Variants in IGFBP7 observed in about 807,000 individuals in gnomAD.
IGFBP7 encodes the protein insulin-like growth factor-binding protein 7.
In IGFBP7, 31 loss-of-function variants were observed where a neutral mutation model predicts 29.4. The ratio of observed to expected loss-of-function variants is 1.05; its 90% CI spans 0.79 to 1.42. The LOEUF (loss-of-function observed/expected upper bound fraction) is 1.42, where lower values mean the gene tolerates loss of function less well. Ranked by LOEUF, IGFBP7 falls within the 40% of genes most tolerant of loss-of-function variation. The pLI is 0.00. For synonymous variants in IGFBP7, 172 were observed against 174.9 expected (o/e 0.98, Z 0.13); for missense variants, 393 against 395.5 (o/e 0.99, Z 0.05).
chr4:57,072,914 G>T, intron 1 of IGFBP7: 1 of 722,518 alleles, frequency 1.4e-6, no homozygotes. Flanking sequence ...CCCCAACATG[G>T]ACACCCAGGG....
intron 1 of IGFBP7, among the ~76,000 whole-genome samples, chr4:57,087,435 A>G (rs931635825): frequency 9.9e-5 from 15 of 152,226 alleles, no homozygotes; most frequent in African/African-American, 3.1e-4. Flanking sequence ...ATTTTAAAAT[A>G]CTTTATATTT....
chr4:57,083,881 T>C (rs1725432881), intron 1 of IGFBP7, among the ~76,000 whole-genome samples: 2 of 152,372 alleles, frequency 1.3e-5, no homozygotes, highest in Admixed American at 1.3e-4. Flanking sequence ...AATAGTTTTT[T>C]ATTAAGAATT....
chr4:57,084,740 T>C (rs1381490458), intron 1 of IGFBP7, among the ~76,000 whole-genome samples: 1 of 151,942 alleles, frequency 6.6e-6, no homozygotes, highest in Non-Finnish European at 1.5e-5. Context: ...TAATGTAATC[T>C]TTTCCCTTAT....
In IGFBP7 at chr4:57,110,153, C is replaced by G. The variant is rs779928456; in HGVS notation, c.199G>C (p.Glu67Gln). Reference protein sequence around the residue: ...CGCCPMCARGEGEPCGGGGAG... With the variant: ...CGCCPMCARGQGEPCGGGGAG... Reference sequence around the variant, plus strand: ...CCGCCACCCCCGCACGGCTCGCCCTCGCCGCGGGCGCACATAGGGCAGCAG... The same window carrying G: ...CCGCCACCCCCGCACGGCTCGCCCTGGCCGCGGGCGCACATAGGGCAGCAG... The change falls in exon 1 of 5, where the codon GAG becomes CAG. Residue 67 changes from glutamate (E) to glutamine (Q), a missense_variant. Physicochemically the swap from Glu to Gln is conservative, Grantham distance 29 (BLOSUM62 2). Coordinates refer to ENST00000295666, the MANE Select transcript of IGFBP7 (RefSeq NM_001553.3). The G allele has an allele frequency of 2.7e-6, 4 of 1,466,810 alleles. No individual in the cohort carries two copies. The African/African-American group carries it at 4.4e-5, about 16-fold the overall frequency. The allele number at this position is 1,466,810 out of a possible 1,614,324, so 90.9% of individuals were successfully genotyped here.
At chr4:57,040,975 TC>T (rs750445641) in intron 1 of IGFBP7, 42 bp from the exon 2 acceptor site, 9 of 1,244,998 alleles carry the variant, frequency 7.2e-6, no homozygotes, top group African/African-American at 5.9e-5. Flanking sequence ...TTTTAAACAG[TC>T]CTTCACATGA....
Position 57,105,429 on chromosome 4 carries a change from A to G in IGFBP7, c.475+4448T>C, listed in dbSNP as rs563836524. 2.0e-5 allele frequency among the ~76,000 whole-genome samples: 3 copies of G among 152,318 alleles called. No individual in the cohort carries two copies. In the East Asian group the frequency reaches 5.8e-4, roughly 29 times the overall value. ...CATACTACATACCATGCACTTATCT[A>G]GGTCCTTGGGTCTGTCTATATGAGG... On this transcript the variant is annotated intron_variant, in intron 1 of 4. Transcript: ENST00000295666.
chr4:57,084,304 C>T (rs1360441287), intron 1 of IGFBP7, among the ~76,000 whole-genome samples: 1 of 151,982 alleles, frequency 6.6e-6, no homozygotes, highest in Non-Finnish European at 1.5e-5. Flanking sequence ...GGAGCATATG[C>T]TGGATTAACA....
At chr4:57,093,811 A>G (rs755651134) in intron 1 of IGFBP7, among the ~76,000 whole-genome samples, 4 of 152,192 alleles carry the variant, frequency 2.6e-5, no homozygotes, top group Non-Finnish European at 5.9e-5. Context: ...ACTTTGGGCA[A>G]AGTAATAACT....
chr4:57,075,254 C>G (rs1198471257), intron 1 of IGFBP7, among the ~76,000 whole-genome samples: 1 of 152,082 alleles, frequency 6.6e-6, no homozygotes, highest in Non-Finnish European at 1.5e-5. Flanking sequence ...AACCTCCTGC[C>G]CACTAAAGGA....
At chr4:57,074,612 T>C (rs563380839) in intron 1 of IGFBP7, among the ~76,000 whole-genome samples, 6 of 152,306 alleles carry the variant, frequency 3.9e-5, no homozygotes, top group African/African-American at 1.4e-4. Context: ...CCTCTACCTC[T>C]TAAAGTTGGA....
At chr4:57,050,356 T>G (rs1414931371) in intron 1 of IGFBP7, among the ~76,000 whole-genome samples, 1 of 151,776 alleles carries the variant, frequency 6.6e-6, no homozygotes, top group Non-Finnish European at 1.5e-5. Context: ...GCGATTCTCC[T>G]GCCTCATCCT....
intron 1 of IGFBP7, among the ~76,000 whole-genome samples, chr4:57,088,546 G>A (rs1299013810): frequency 1.3e-5 from 2 of 152,026 alleles, no homozygotes; most frequent in African/African-American, 4.8e-5. Flanking sequence ...AAGTACCATA[G>A]TATGACATTT....
At chr4:57,077,973 A>G (rs1479312777) in intron 1 of IGFBP7, among the ~76,000 whole-genome samples, 1 of 152,096 alleles carries the variant, frequency 6.6e-6, no homozygotes, top group Non-Finnish European at 1.5e-5. Context: ...ATTTCAAAAC[A>G]ATTATTTTAA....
intron 1 of IGFBP7, among the ~76,000 whole-genome samples, chr4:57,062,577 G>A (rs1212608004): frequency 2.0e-5 from 3 of 152,172 alleles, no homozygotes; most frequent in Non-Finnish European, 4.4e-5. Context: ...CCAAATGGCT[G>A]AAGTCCTACC....
rs545043191 is a variant in IGFBP7, at chr4:57,057,113, C to T, written c.476-16180G>A. On this transcript the variant is annotated intron_variant, in intron 1 of 4. Coordinates refer to ENST00000295666, the MANE Select transcript of IGFBP7 (RefSeq NM_001553.3). ...TTCGTCCTTTAGGGCTCAAGAGATC[C>T]TCCCAACTCAGCCTTCCAAGTAGCT... Among the ~76,000 whole-genome samples, 68 of 152,268 alleles carry T rather than the reference C, an allele frequency of 4.5e-4. No homozygotes were observed. The South Asian group carries it at 0.012, about 27-fold the overall frequency.
In IGFBP7 at chr4:57,083,386, A is replaced by G. The variant is rs567068110; in HGVS notation, c.475+26491T>C. Among the ~76,000 whole-genome samples the G allele has an allele frequency of 2.0e-5, 3 of 152,292 alleles. No homozygotes were observed. The East Asian group carries it at 5.8e-4, about 29-fold the overall frequency. On this transcript the variant is annotated intron_variant, in intron 1 of 4. Transcript: ENST00000295666. Reference sequence around the variant, plus strand: ...TGTAGGTTATTGTTGTTCTAATTGCATTTCAGGACTTGTTGTGAAGTTGAG... The same window carrying G: ...TGTAGGTTATTGTTGTTCTAATTGCGTTTCAGGACTTGTTGTGAAGTTGAG...
At chr4:57,072,449 C>T (rs1292470646) in intron 1 of IGFBP7, among the ~76,000 whole-genome samples, 1 of 152,266 alleles carries the variant, frequency 6.6e-6, no homozygotes, top group South Asian at 2.1e-4. Context: ...AGAAGGATTG[C>T]TTGAGCCCAG....
intron 1 of IGFBP7, among the ~76,000 whole-genome samples, chr4:57,049,896 G>A (rs1724461674): frequency 6.6e-6 from 1 of 152,176 alleles, no homozygotes; most frequent in Admixed American, 6.5e-5. Context: ...CCACTGTCTT[G>A]AAAATGCACC....
intron 1 of IGFBP7, among the ~76,000 whole-genome samples, chr4:57,073,638 C>T (rs971165503): frequency 2.0e-5 from 3 of 151,890 alleles, no homozygotes; most frequent in Non-Finnish European, 2.9e-5. Context: ...AACAAAATGC[C>T]CCAGAACTGC....
Sources: gnomAD v4.1 joint callset for allele counts (sites outside exome capture counted in the v4.1 genomes callset) on GRCh38, gnomAD v4.1.1 for gene constraint, MANE v1.5 for transcripts, NCBI Gene and HGNC (gene_info 2026-07-23, HGNC 2026-07-21) for gene names.